MTCL1: variants seen among roughly 807,000 people sequenced by gnomAD.
MTCL1 encodes the protein microtubule cross-linking factor 1.
In MTCL1, 79 loss-of-function variants were observed where a neutral mutation model predicts 141.4. The ratio of observed to expected loss-of-function variants is 0.56; its 90% CI spans 0.47 to 0.67. The LOEUF (loss-of-function observed/expected upper bound fraction) is 0.67. Ranked by LOEUF, MTCL1 falls within the 30% of genes least tolerant of loss-of-function variation. The pLI, the probability that MTCL1 is intolerant of heterozygous loss-of-function variation, is 0.00. For synonymous variants in MTCL1, 914 were observed against 875.8 expected (o/e 1.04, Z -0.77); for missense variants, 2,177 against 2,113.9 (o/e 1.03, Z -0.59).
chr18:8,719,672 C>G (rs1324870712), intron 3 of MTCL1, among the ~76,000 whole-genome samples: 1 of 152,196 alleles, frequency 6.6e-6, no homozygotes, highest in Non-Finnish European at 1.5e-5. Flanking sequence ...AAGCAACCCT[C>G]CCATCTTCAC....
exon 12 of MTCL1, chr18:8,813,210 G>C: frequency 6.2e-7 from 1 of 1,611,464 alleles, no homozygotes; most frequent in Middle Eastern, 1.7e-4. Context: ...GCAGAAGAAG[G>C]AATTCTTGTG....
In MTCL1 at chr18:8,718,893, A is replaced by G. The variant is rs551309936; in HGVS notation, c.198+245A>G. On this transcript the variant is annotated intron_variant, in intron 3 of 16. Coordinates refer to ENST00000359865, the Ensembl canonical transcript of MTCL1. Reference sequence around the variant, plus strand: ...TTATTTGTGATAACGAAGAATTAATACCTGCCAATGGGTCTGACAATTGGA... The same window carrying G: ...TTATTTGTGATAACGAAGAATTAATGCCTGCCAATGGGTCTGACAATTGGA... Among the ~76,000 whole-genome samples, 15 of 151,994 alleles carry G rather than the reference A, an allele frequency of 9.9e-5. No individual in the cohort carries two copies. The South Asian group carries it at 2.5e-3, about 25-fold the overall frequency.
intron 4 of MTCL1, among the ~76,000 whole-genome samples, chr18:8,735,317 G>A (rs2148885277): frequency 6.6e-6 from 1 of 152,220 alleles, no homozygotes; most frequent in South Asian, 2.1e-4. Context: ...TTTCTCCTCT[G>A]TCCTCTTCCC....
At position 8,784,987 on chromosome 18, in the gene MTCL1, G is replaced by A. The variant is rs539197943; in HGVS notation, c.1731+144G>A. 11 of 571,380 alleles carry A rather than the reference G, an allele frequency of 1.9e-5. No individual in the cohort carries two copies. In the East Asian group the frequency reaches 2.1e-4, roughly 11 times the overall value. 35.4% of individuals were successfully genotyped at this position (571,380 alleles called of 1,614,324 possible). On this transcript the variant is annotated intron_variant, in intron 6 of 16. Transcript: ENST00000359865. ...TTGTACTAAAGCCTCCGGGGCAACCGGATCCTCTCTCTTGGTTGGGCTCCG... is the reference window on the plus strand; with the variant it reads ...TTGTACTAAAGCCTCCGGGGCAACCAGATCCTCTCTCTTGGTTGGGCTCCG...
In MTCL1 at chr18:8,784,864, G is replaced by A. The variant is rs774577023; in HGVS notation, c.1731+21G>A. ...TGCAGGTAAGGGGGCTCGTGGCTTC[G>A]CCTCCCTGCTCCGCCTTGCTCTTCC... On this transcript the variant is annotated intron_variant, in intron 6 of 16. Transcript: ENST00000359865. The A allele has an allele frequency of 3.0e-5, 47 of 1,551,292 alleles. No homozygotes were observed. The Admixed American group carries it at 5.0e-4, about 16-fold the overall frequency.
At chr18:8,767,110 G>C (rs1231905712) in intron 4 of MTCL1, among the ~76,000 whole-genome samples, 2 of 152,142 alleles carry the variant, frequency 1.3e-5, no homozygotes, top group Non-Finnish European at 2.9e-5. Context: ...GAGGAGGGAG[G>C]GTTTTTGCTC....
chr18:8,707,153 GC>G, intron 1 of MTCL1: 1 of 155,754 alleles, frequency 6.4e-6, no homozygotes, highest in Non-Finnish European at 1.4e-5. Context: ...CCACTGGAGG[GC>G]CCCCGGCTAC....
At chr18:8,729,539 A>G in intron 4 of MTCL1, among the ~76,000 whole-genome samples, 1 of 151,596 alleles carries the variant, frequency 6.6e-6, no homozygotes, top group Non-Finnish European at 1.5e-5. Context: ...AGTAACTAGG[A>G]CTAGAGTTAT....
Position 8,752,674 on chromosome 18 carries a change from A to G in MTCL1, c.358-25159A>G, listed in dbSNP as rs573199623. ...CAATTGTTAAACACAATAGAATGAT[A>G]TTGAAAAATATTGTCATAAAGACAG... On this transcript the variant is annotated intron_variant, in intron 4 of 16. Coordinates refer to ENST00000359865, the Ensembl canonical transcript of MTCL1. Among the ~76,000 whole-genome samples, 49 of 152,360 alleles carry G rather than the reference A, an allele frequency of 3.2e-4. 1 individual carries two copies. The highest frequency in any genetic ancestry group is 1.2e-3 in the African/African-American group (49 of 41,598).
At chr18:8,803,598 T>A (rs769890563) in intron 10 of MTCL1, among the ~76,000 whole-genome samples, 3 of 152,216 alleles carry the variant, frequency 2.0e-5, no homozygotes, top group Non-Finnish European at 4.4e-5. Context: ...TTGCCTGGCT[T>A]CCTGCTGTGC....
At chr18:8,827,010 G>A (rs2077048244) in intron 15 of MTCL1, among the ~76,000 whole-genome samples, 1 of 152,224 alleles carries the variant, frequency 6.6e-6, no homozygotes, top group Non-Finnish European at 1.5e-5. Context: ...TGGTGGTGAT[G>A]GCTATGGTGA....
intron 13 of MTCL1, 96 bp downstream of exon 12, chr18:8,819,355 C>CTCTAGCCAGAT: frequency 7.5e-7 from 1 of 1,341,738 alleles, no homozygotes; most frequent in East Asian, 2.3e-5. Context: ...TCCTGGCAGG[C>CTCTAGCCAGAT]TCTAGCACTT....
At chr18:8,784,106 G>C (rs753100954) in exon 6 of MTCL1, 2 of 1,613,224 alleles carry the variant, frequency 1.2e-6, no homozygotes, top group Admixed American at 1.7e-5. Context: ...CGGGGGTGGG[G>C]CCCCCCTGCA....
chr18:8,784,753 A>G (rs754869836), exon 6 of MTCL1: 3 of 1,614,042 alleles, frequency 1.9e-6, no homozygotes, highest in Non-Finnish European at 1.7e-6. Flanking sequence ...CCCACCTCAC[A>G]GAGTCCTCTA....
chr18:8,786,569 C>T (rs1026828152), intron 7 of MTCL1: 4 of 357,372 alleles, frequency 1.1e-5, no homozygotes, highest in Non-Finnish European at 2.2e-5. Flanking sequence ...CAGGGAGGCT[C>T]GCTCCTGACC....
At chr18:8,760,569 T>C (rs896402433) in intron 4 of MTCL1, among the ~76,000 whole-genome samples, 10 of 152,234 alleles carry the variant, frequency 6.6e-5, no homozygotes, top group African/African-American at 2.2e-4. Context: ...GCTAGAGCTA[T>C]ATCAGGAATA....
At chr18:8,726,042 C>T (rs1446679759) in intron 4 of MTCL1, among the ~76,000 whole-genome samples, 5 of 151,826 alleles carry the variant, frequency 3.3e-5, no homozygotes, top group African/African-American at 7.2e-5. Context: ...CTGCCCGCCT[C>T]GGCCTCCCAA....
At position 8,705,948 on chromosome 18, in the gene MTCL1, C is replaced by T; in HGVS notation, c.288C>T (p.Arg96=). 9 of 1,103,650 alleles carry T rather than the reference C, an allele frequency of 8.2e-6. No homozygotes were observed. The highest frequency in any genetic ancestry group is 9.9e-6 in the Non-Finnish European group (9 of 908,266). 68.4% of individuals were successfully genotyped at this position (1,103,650 alleles called of 1,614,324 possible). A position where few individuals can be genotyped will look rare whatever the true frequency, so the allele number is the denominator to read the frequency against. ...CGGGGTCCCTGGCCGCGCCCGGCCG[C>T]CTCTCTCGGCGCAGTGGCGGCGTCC... The change falls in exon 1 of 14, where the codon CGC becomes CGT. Residue 96 remains arginine, a synonymous_variant. Coordinates refer to the MTCL1 transcript ENST00000306329. The surrounding 1 kb of genome is among the most constrained non-coding windows in gnomAD (Gnocchi z 5.2).
At chr18:8,786,392 A>C in intron 7 of MTCL1, 1 of 615,334 alleles carries the variant, frequency 1.6e-6, no homozygotes, top group East Asian at 3.4e-5. Context: ...GTGAGTGCGC[A>C]GTGGCTTCTT....
Sources: allele counts gnomAD v4.1 joint callset (sites outside exome capture counted in the v4.1 genomes callset), GRCh38; gene constraint gnomAD v4.1.1; non-coding constraint Gnocchi (gnomAD v3.1); transcripts MANE v1.5; gene names NCBI Gene and HGNC (gene_info 2026-07-23, HGNC 2026-07-21).